ADGRG1: variants seen among roughly 807,000 people sequenced by gnomAD.
ADGRG1 encodes the protein adhesion G protein-coupled receptor G1, also known as 7-transmembrane protein with no EGF-like N-terminal domains-1.
In ADGRG1, 53 loss-of-function variants were observed where a neutral mutation model predicts 73.5. That is an observed-to-expected ratio of 0.72 (90% CI 0.58 to 0.91). ADGRG1 has a LOEUF of 0.91. Among genes scored for constraint, ADGRG1 ranks in the 40% least tolerant of loss-of-function variants. ADGRG1 has a pLI of 0.00. For synonymous variants in ADGRG1, 394 were observed against 374.4 expected, an observed-to-expected ratio of 1.05 and a Z score of -0.60; for missense variants, 795 against 871.8, an observed-to-expected ratio of 0.91 and a Z score of 1.11.
Position 57,651,207 on chromosome 16 carries a change from C to T in ADGRG1, c.72C>T (p.His24=), listed in dbSNP as rs376180934. 70 of 1,613,922 alleles carry T rather than the reference C, an allele frequency of 4.3e-5. No homozygotes were observed. The highest frequency in any genetic ancestry group is 1.0e-4 in the Admixed American group (6 of 60,012). The stretch of plus-strand genomic sequence containing the variant: ...CAGCCTCTGCCTCCTCAGGTGCCCA[C>T]GGCAGGGGCCACAGGGAAGACTTTC... ...LSLLFLVQGA[H]GRGHREDFRF... is the part of the protein sequence containing the mutation. Residue 24 remains histidine (H), a synonymous_variant, in exon 3 of 14, where the codon CAC becomes CAT. Transcript: ENST00000562631.
intron 3 of ADGRG1, chr16:57,652,062 A>T (rs572983656): frequency 9.5e-7 from 1 of 1,053,680 alleles, no homozygotes; most frequent in East Asian, 7.2e-5. Flanking sequence ...CACAGAGAGG[A>T]TGCCCAAAGC....
rs2278808 is a variant in ADGRG1 at position 57,660,859 on chromosome 16, C to T, written c.1647C>T (p.Gly549=). 1.1e-3 allele frequency: 1,818 copies of T among 1,590,822 alleles called. 79 individuals carry two copies. The East Asian group carries it at 0.04, about 35-fold the overall frequency. ...IILAVHRTPE[G]VIYPSMCWIR... ...TGGCTGTGCATAGGACTCCAGAGGGCGTCATCTACCCTTCCATGTGAGTGG... is the reference window on the plus strand; with the variant it reads ...TGGCTGTGCATAGGACTCCAGAGGGTGTCATCTACCCTTCCATGTGAGTGG... The change falls in exon 12 of 14, where the codon GGC becomes GGT. Residue 549 remains glycine, a synonymous_variant. Coordinates refer to ENST00000562631, the MANE Select transcript of ADGRG1 (RefSeq NM_201525.4).
intron 1 of ADGRG1, chr16:57,645,159 G>A: frequency 3.0e-6 from 3 of 985,468 alleles, no homozygotes; most frequent in Non-Finnish European, 3.6e-6. Context: ...AGGCTCAGCA[G>A]CTCAGTGTCG....
chr16:57,660,698 C>A (rs966966006), intron 11 of ADGRG1, 70 bp from the exon 12 acceptor site: 7 of 1,481,938 alleles, frequency 4.7e-6, no homozygotes, highest in Non-Finnish European at 6.5e-6. Context: ...CTCCAGACTC[C>A]CTGAGGCCAG....
At chr16:57,641,913 G>A (rs2040939101) in intron 1 of ADGRG1, 2 of 179,688 alleles carry the variant, frequency 1.1e-5, no homozygotes, top group Admixed American at 1.3e-4. Context: ...TTAGAGACAA[G>A]GTCTCACTCT....
chr16:57,630,427 C>A, intron 1 of ADGRG1: 1 of 985,652 alleles, frequency 1.0e-6, no homozygotes, highest in Middle Eastern at 5.2e-4. Flanking sequence ...ATCACTGTGG[C>A]CCCCTTGCCC....
rs80206511 is a variant in ADGRG1, at chr16:57,664,802, C to A, written c.*1220C>A. On this transcript the variant is annotated 3_prime_UTR_variant, in exon 14 of 14. Coordinates refer to ENST00000562631, the MANE Select transcript of ADGRG1 (RefSeq NM_201525.4). ...GTGCGTGAAGCAAGAACTCCTGGAG[C>A]TACAGGGACAGGGAGCCATCATTCC... is the stretch of plus-strand genomic sequence containing the variant. The A allele has an allele frequency of 0.04, 6,224 of 153,732 alleles. 146 individuals are homozygous for A. The highest frequency in any genetic ancestry group is 0.06 in the South Asian group (289 of 4,826). 9.5% of individuals were successfully genotyped at this position (153,732 alleles called of 1,614,324 possible). A position where few individuals can be genotyped will look rare whatever the true frequency, so the allele number is the denominator to read the frequency against.
chr16:57,658,798 AC>A (rs2046359919), intron 10 of ADGRG1: 1 of 189,684 alleles, frequency 5.3e-6, no homozygotes, highest in Non-Finnish European at 9.8e-6. Context: ...CTCCCACTTC[AC>A]AGATAGGCAA....
At chr16:57,644,754 GCA>G (rs2042028021) in intron 1 of ADGRG1, among the ~76,000 whole-genome samples, 1 of 125,764 alleles carries the variant, frequency 8.0e-6, no homozygotes. Flanking sequence ...GTATGCACGG[GCA>G]CACACCCATG....
At chr16:57,637,219 T>G in intron 1 of ADGRG1, 138 of 646,398 alleles carry the variant, frequency 2.1e-4, no homozygotes, top group Non-Finnish European at 2.5e-4. Context: ...ACTTACAAAA[T>G]GAGCTTCATC....
chr16:57,628,257 C>G, upstream of ADGRG1: 1 of 879,468 alleles, frequency 1.1e-6, no homozygotes, highest in Non-Finnish European at 1.4e-6. Flanking sequence ...GGTGGGCGGA[C>G]AGCATCCAAG....
At chr16:57,647,563 T>A in intron 1 of ADGRG1, 1 of 526,056 alleles carries the variant, frequency 1.9e-6, no homozygotes, top group Non-Finnish European at 2.4e-6. Context: ...TCTTTACTAG[T>A]GAGGAAAGCG....
chr16:57,663,020 G>A, intron 13 of ADGRG1: 2 of 984,884 alleles, frequency 2.0e-6, no homozygotes, highest in Non-Finnish European at 2.4e-6. Flanking sequence ...AGGATTGTAA[G>A]TGAGGCCCAT....
intron 1 of ADGRG1, chr16:57,643,629 G>A (rs8053275): frequency 1.0e-6 from 1 of 984,736 alleles, no homozygotes; most frequent in Non-Finnish European, 1.2e-6. Context: ...AGTGGGCCAG[G>A]CCTGGGCACC....
intron 1 of ADGRG1, chr16:57,647,803 T>C (rs1366160088): frequency 2.0e-6 from 2 of 978,460 alleles, no homozygotes; most frequent in South Asian, 4.7e-5. Flanking sequence ...CAGGGACAGT[T>C]GGTCCCTTGT....
At chr16:57,653,610 C>T (rs1597500940) in intron 4 of ADGRG1, 1 of 982,848 alleles carries the variant, frequency 1.0e-6, no homozygotes, top group Non-Finnish European at 1.2e-6. Context: ...CCCAGCAGAC[C>T]AAGGCTCAGA....
chr16:57,630,623 A>C, intron 1 of ADGRG1: 2 of 656,140 alleles, frequency 3.0e-6, no homozygotes, highest in South Asian at 6.8e-5. Context: ...AGGGCCAGTC[A>C]GCCTGGTGTG....
intron 1 of ADGRG1, chr16:57,629,041 AGTGAGT>A (rs2036931841): frequency 1.4e-5 from 5 of 360,824 alleles, no homozygotes; most frequent in South Asian, 1.2e-4. Flanking sequence ...TGAGAGTGTG[AGTGAGT>A]GTGTGTGAGT....
chr16:57,654,409 A>ACCCC (rs72461004), intron 5 of ADGRG1, among the ~76,000 whole-genome samples: 2 of 45,102 alleles, frequency 4.4e-5, no homozygotes, highest in Non-Finnish European at 1.1e-4. Flanking sequence ...CTGTCCACGC[A>ACCCC]CCCCCCCCCC....
Sources: allele counts gnomAD v4.1 joint callset (sites outside exome capture counted in the v4.1 genomes callset), GRCh38; gene constraint gnomAD v4.1.1; transcripts MANE v1.5; gene names NCBI Gene and HGNC (gene_info 2026-07-23, HGNC 2026-07-21).